Variants in UNC13B observed in about 807,000 individuals in gnomAD.
UNC13B encodes the protein unc-13 homolog B.
A neutral mutation model predicts 211.0 loss-of-function variants in UNC13B; 144 were observed. That is an observed-to-expected ratio of 0.68 (90% CI 0.60 to 0.78). UNC13B has a LOEUF of 0.78. Ranked by LOEUF, UNC13B falls within the 30% of genes least tolerant of loss-of-function variation. The pLI is 0.00. For missense variants in UNC13B, 1,777 were observed against 2,002.0 expected (o/e 0.89, Z 2.14); for synonymous variants, 709 against 725.8 (o/e 0.98, Z 0.37).
chr9:35,380,533 G>A lies in UNC13B; in HGVS notation c.10269G>A (p.Lys3423=). 1.2e-6 allele frequency: 2 copies of A among 1,614,204 alleles called. No individual in the cohort carries two copies. Among genetic ancestry groups the A allele is most frequent in the Non-Finnish European group, 1.7e-6 (2 of 1,180,030 alleles). The change falls in exon 18 of 40, where the codon AAG becomes AAA. Residue 3423 remains lysine (K), a synonymous_variant. Transcript: ENST00000635942. ...TATGGGATGAGGATGATGACATCAA[G>A]TCAAGAGTAAAGCAACGCCTAAAGC... The part of the protein sequence containing the change: ...VRVWDEDDDI[K]SRVKQRLKRE...
rs141135990 is a variant in UNC13B at position 35,194,799 on chromosome 9, G to A, written c.22+32494G>A. 1.5e-3 allele frequency among the ~76,000 whole-genome samples: 234 copies of A among 152,294 alleles called. 3 individuals are homozygous for A. In the East Asian group the frequency reaches 0.031, roughly 20 times the overall value. On this transcript the variant is annotated intron_variant, in intron 1 of 39. Coordinates refer to ENST00000635942, the MANE Select transcript of UNC13B (RefSeq NM_001371189.2). ...ATGTTGTCTGGGGTAAATACCCAGC[G>A]TCTGTCATCTCGTGCCAGAAAAATT... is the stretch of plus-strand genomic sequence containing the variant.
Position 35,177,379 on chromosome 9 carries a change from G to C in UNC13B, c.22+15074G>C, listed in dbSNP as rs551294282. 2.0e-5 allele frequency among the ~76,000 whole-genome samples: 3 copies of C among 152,306 alleles called. No homozygotes were observed. The South Asian group carries it at 6.2e-4, about 32-fold the overall frequency. On this transcript the variant is annotated intron_variant, in intron 1 of 39. Coordinates refer to ENST00000635942, the MANE Select transcript of UNC13B (RefSeq NM_001371189.2). ...AGACCGAGGAAGGGGCAGAAGTATA[G>C]AAGTTTATAAACTGAAAGCACTGGG...
Position 35,307,572 on chromosome 9 carries a change from A to G in UNC13B, c.8168A>G (p.His2723Arg). The G allele has an allele frequency of 2.5e-6, 1 of 399,112 alleles. No individual in the cohort carries two copies. Among genetic ancestry groups the G allele is most frequent in the Non-Finnish European group, 4.4e-6 (1 of 226,128 alleles). The allele number at this position is 399,112 out of a possible 1,614,324, so 24.7% of individuals were successfully genotyped here. ...AGCACCACTCTGGAAACCGAAGGGCACTTTTCTCATCCTCTGCTGGAGGAC... is the reference window on the plus strand; with the variant it reads ...AGCACCACTCTGGAAACCGAAGGGCGCTTTTCTCATCCTCTGCTGGAGGAC... ...SQSTTLETEGHFSHPLLEDPV... is the reference protein window; with the variant it reads ...SQSTTLETEGRFSHPLLEDPV... Residue 2723 changes from histidine (H) to arginine (R), a missense_variant, in exon 9 of 40, where the codon CAC (histidine) becomes CGC (arginine). His to Arg is a conservative substitution (Grantham distance 29, BLOSUM62 0). Transcript: ENST00000635942.
chr9:35,297,561 T>TTTTTTTTTTGTTTGTTTTTTTG lies in UNC13B; in HGVS notation c.761+1637_761+1638insTTTGTTTGTTTTTTTGTTTTTT. 2.0e-4 allele frequency among the ~76,000 whole-genome samples: 26 copies of TTTTTTTTTTGTTTGTTTTTTTG among 128,222 alleles called. No homozygotes were observed. The South Asian group carries it at 4.8e-3, about 24-fold the overall frequency. 84.1% of individuals were successfully genotyped at this position (128,222 alleles called of 152,430 possible). On this transcript the variant is annotated intron_variant, in intron 8 of 39. Transcript: ENST00000635942. ...ACATACTTTGTCTTTTTTTTTTTTTTTTTTTTGAGACGGAGTCTCGCTCTT... is the reference window on the plus strand; with the variant it reads ...ACATACTTTGTCTTTTTTTTTTTTTTTTTTTTTTTGTTTGTTTTTTTGTTTTTTGAGACGGAGTCTCGCTCTT...
At chr9:35,310,299 G>A (rs1830120230) in intron 9 of UNC13B, among the ~76,000 whole-genome samples, 168 bp from the exon 10 acceptor site, 1 of 152,142 alleles carries the variant, frequency 6.6e-6, no homozygotes, top group African/African-American at 2.4e-5. Flanking sequence ...TGTTTTCGCT[G>A]AATAGAGACT....
At chr9:35,353,403 A>G in intron 11 of UNC13B, 1 of 1,232,284 alleles carries the variant, frequency 8.1e-7, no homozygotes, top group South Asian at 4.1e-5. Flanking sequence ...GAGAACAGTG[A>G]TCGACTTCTT....
intron 7 of UNC13B, among the ~76,000 whole-genome samples, chr9:35,263,690 G>A (rs113261340): frequency 0.016 from 2,452 of 152,152 alleles, 50 homozygotes; most frequent in African/African-American, 0.056. Flanking sequence ...ATATATTGAA[G>A]CCTCAACACT....
At chr9:35,308,439 A>G (rs958563073) in intron 9 of UNC13B, 27 bp downstream of exon 9, 1 of 398,620 alleles carries the variant, frequency 2.5e-6, no homozygotes, top group Non-Finnish European at 4.4e-6. Context: ...AGCATCATAA[A>G]TGGCTTTAAG....
intron 11 of UNC13B, among the ~76,000 whole-genome samples, chr9:35,358,880 A>G (rs1833212297): frequency 6.6e-6 from 1 of 151,702 alleles, no homozygotes; most frequent in African/African-American, 2.4e-5. Flanking sequence ...TTGTATTTTT[A>G]GTAGAGAGGA....
intron 8 of UNC13B, among the ~76,000 whole-genome samples, chr9:35,297,572 C>G: frequency 1.6e-5 from 1 of 64,268 alleles, no homozygotes; most frequent in East Asian, 3.0e-4. Context: ...TTTTTTGAGA[C>G]GGAGTCTCGC....
intron 11 of UNC13B, among the ~76,000 whole-genome samples, chr9:35,324,871 C>T (rs1408811430): frequency 2.0e-5 from 3 of 152,138 alleles, no homozygotes; most frequent in African/African-American, 7.2e-5. Context: ...TCTTATCCAG[C>T]CCAGACCCTA....
chr9:35,386,467 A>T (rs989850404), intron 24 of UNC13B, among the ~76,000 whole-genome samples, 174 bp downstream of exon 24: 5 of 152,032 alleles, frequency 3.3e-5, no homozygotes, highest in Non-Finnish European at 2.9e-5. Flanking sequence ...ATGGAAAGAG[A>T]CCCCTGGGCA....
intron 11 of UNC13B, among the ~76,000 whole-genome samples, chr9:35,315,251 T>C (rs965021697): frequency 3.9e-5 from 6 of 152,068 alleles, no homozygotes; most frequent in Non-Finnish European, 1.5e-5. Flanking sequence ...AGGTATCTTT[T>C]TGATATAATG....
intron 13 of UNC13B, among the ~76,000 whole-genome samples, chr9:35,371,702 C>G (rs1455294286): frequency 1.3e-5 from 2 of 152,040 alleles, no homozygotes; most frequent in African/African-American, 4.8e-5. Flanking sequence ...CTGTCTTTTG[C>G]CCTATCTTTG....
intron 11 of UNC13B, among the ~76,000 whole-genome samples, chr9:35,314,971 G>A (rs1356963701): frequency 7.0e-6 from 1 of 142,186 alleles, no homozygotes; most frequent in Admixed American, 7.5e-5. Context: ...TGAACTCCTA[G>A]GCTCAAGCAA....
intron 7 of UNC13B, among the ~76,000 whole-genome samples, chr9:35,280,368 G>T (rs1054871361): frequency 5.3e-5 from 8 of 152,156 alleles, no homozygotes; most frequent in African/African-American, 1.9e-4. Flanking sequence ...CCTGGTCAAG[G>T]TATCTCTTAC....
intron 20 of UNC13B, among the ~76,000 whole-genome samples, 183 bp from the exon 21 acceptor site, chr9:35,382,174 C>G (rs1435781329): frequency 2.0e-5 from 3 of 152,184 alleles, no homozygotes; most frequent in Admixed American, 1.3e-4. Context: ...CTATGAGAAG[C>G]AGGGTAGCCT....
chr9:35,360,558 G>A (rs1390657962), intron 11 of UNC13B: 1 of 152,172 alleles, frequency 6.6e-6, no homozygotes, highest in Non-Finnish European at 1.5e-5. Flanking sequence ...AAGCTTTTCA[G>A]GATCAGGGAG....
Position 35,403,434 on chromosome 9 carries a change from G to A in UNC13B, c.12578-6G>A. ...GATCCCTCACAGGTTTCCCTTGTTT[G>A]GGCAGTGGTGGCTGCCAATGACCTC... On this transcript the variant is annotated splice_region_variant and splice_polypyrimidine_tract_variant and intron_variant, in intron 38 of 39. Coordinates refer to ENST00000635942, the MANE Select transcript of UNC13B (RefSeq NM_001371189.2). The A allele has an allele frequency of 6.2e-7, 1 of 1,613,248 alleles. No homozygotes were observed. Among genetic ancestry groups the A allele is most frequent in the Non-Finnish European group, 8.5e-7 (1 of 1,179,870 alleles).
Sources: gnomAD v4.1 joint callset for allele counts (sites outside exome capture counted in the v4.1 genomes callset) on GRCh38, gnomAD v4.1.1 for gene constraint, MANE v1.5 for transcripts, NCBI Gene and HGNC (gene_info 2026-07-23, HGNC 2026-07-21) for gene names.